The following LCA5L variants were observed in gnomAD, a reference collection of about 807,000 sequenced individuals.
LCA5L encodes lebercilin-like protein.
A neutral mutation model predicts 45.4 loss-of-function variants in LCA5L; 35 were observed. The ratio of observed to expected loss-of-function variants is 0.77; its 90% confidence interval spans 0.59 to 1.02. The LOEUF is 1.02. Ranked by LOEUF, LCA5L falls within the 50% of genes least tolerant of loss-of-function variation. The pLI, the probability that LCA5L is intolerant of heterozygous loss-of-function variation, is 0.00. For missense variants in LCA5L, 668 were observed against 761.6 expected, an observed-to-expected ratio of 0.88 and a Z score of 1.45; for synonymous variants, 233 against 264.7, an observed-to-expected ratio of 0.88 and a Z score of 1.16.
chr21:39,430,015 A>AAAAC lies in LCA5L; in HGVS notation c.-91-808_-91-805dup, dbSNP rs375183140. Reference sequence around the variant, plus strand: ...GGGTGACAGGGCCAACTCTGTCTCAAAAACAAACAAACAAACAAACAAACA... The same window carrying AAAAC: ...GGGTGACAGGGCCAACTCTGTCTCAAAAACAAACAAACAAACAAACAAACAAACA... On this transcript the variant is annotated intron_variant, in intron 3 of 10. Transcript: ENST00000288350. 5.2e-3 allele frequency among the ~76,000 whole-genome samples: 786 copies of AAAAC among 151,852 alleles called. 1 individual carries two copies. The highest frequency in any genetic ancestry group is 0.013 in the East Asian group (66 of 5,162).
Position 39,437,582 on chromosome 21 carries a change from C to G in LCA5L, c.-245-2009G>C, listed in dbSNP as rs139854651. ...TCAGGTGATCCTCCCACCTCAGTCT[C>G]CCGGGTAGCTGGGACTACAGGCACG... On this transcript the variant is annotated intron_variant, in intron 2 of 10. Coordinates refer to ENST00000288350, the MANE Select transcript of LCA5L (RefSeq NM_152505.4). Among the ~76,000 whole-genome samples the G allele has an allele frequency of 8.9e-4, 136 of 152,238 alleles. 5 individuals carry two copies. In the East Asian group the frequency reaches 0.026, roughly 29 times the overall value.
At chr21:39,414,400 G>C (rs1463556901) in intron 7 of LCA5L, 1 of 152,128 alleles carries the variant, frequency 6.6e-6, no homozygotes, top group African/African-American at 2.4e-5. Flanking sequence ...AGTGGGCCTA[G>C]AACTCGGTGT....
chr21:39,434,575 T>C (rs938968762), intron 3 of LCA5L, among the ~76,000 whole-genome samples: 6 of 152,202 alleles, frequency 3.9e-5, no homozygotes, highest in Non-Finnish European at 8.8e-5. Flanking sequence ...TGGAGTGCAG[T>C]GGTGTGATCA....
chr21:39,431,562 G>A (rs1450233964), intron 3 of LCA5L, among the ~76,000 whole-genome samples: 2 of 152,062 alleles, frequency 1.3e-5, no homozygotes, highest in Non-Finnish European at 2.9e-5. Flanking sequence ...TCTGTCGCCA[G>A]GCTGGAGTGC....
intron 7 of LCA5L, among the ~76,000 whole-genome samples, chr21:39,417,805 G>T (rs1050624306): frequency 1.3e-5 from 2 of 151,610 alleles, no homozygotes; most frequent in East Asian, 1.9e-4. Flanking sequence ...TCGCTCTGTC[G>T]CCCAGGCTGG....
Position 39,409,019 on chromosome 21 carries a change from A to G in LCA5L, c.1282+960T>C, listed in dbSNP as rs1403859103. ...TGTATTCCTTCCTCCCAAATTTCAT[A>G]TGTTGAAGCCGTAACCCCCAGTATG... is the stretch of plus-strand genomic sequence containing the variant. On this transcript the variant is annotated intron_variant, in intron 10 of 10. Transcript: ENST00000288350. The surrounding 1 kb of genome is among the most constrained non-coding windows in gnomAD (Gnocchi z 4.2). Among the ~76,000 whole-genome samples the G allele has an allele frequency of 1.3e-5, 2 of 152,168 alleles. No homozygotes were observed. The highest frequency in any genetic ancestry group is 2.4e-5 in the African/African-American group (1 of 41,454).
At chr21:39,442,866 C>T (rs572613677) in intron 2 of LCA5L, among the ~76,000 whole-genome samples, 8 of 152,116 alleles carry the variant, frequency 5.3e-5, no homozygotes, top group Non-Finnish European at 8.8e-5. Context: ...AAAAGCTGTG[C>T]GTGTGAATCT....
chr21:39,437,717 G>T (rs145374404), intron 2 of LCA5L, among the ~76,000 whole-genome samples: 2 of 152,132 alleles, frequency 1.3e-5, no homozygotes, highest in Non-Finnish European at 2.9e-5. Flanking sequence ...CTCCCAAAGT[G>T]CTGGAATTAT....
chr21:39,433,415 A>C (rs1284594026), intron 3 of LCA5L, among the ~76,000 whole-genome samples: 5 of 79,274 alleles, frequency 6.3e-5, no homozygotes, highest in African/African-American at 9.7e-5. Flanking sequence ...ACTCTGTCTC[A>C]AAAAAAAAAA....
intron 2 of LCA5L, chr21:39,436,125 T>C (rs1309601994): frequency 6.6e-6 from 1 of 152,154 alleles, no homozygotes; most frequent in Non-Finnish European, 1.5e-5. Flanking sequence ...CAGTACAGAG[T>C]TGAACATAAA....
intron 7 of LCA5L, 102 bp downstream of exon 7, chr21:39,420,604 G>A: frequency 1.2e-6 from 1 of 848,824 alleles, no homozygotes; most frequent in South Asian, 1.8e-5. Flanking sequence ...CCTTATATAT[G>A]TATGTAAAAT....
At chr21:39,427,738 G>A (rs1036137108) in intron 5 of LCA5L, 4 of 152,572 alleles carry the variant, frequency 2.6e-5, no homozygotes, top group Non-Finnish European at 2.9e-5. Context: ...TCAAAAGATG[G>A]TGTTTGCCAA....
At chr21:39,443,581 G>C (rs2077083131) in intron 2 of LCA5L, 1 of 152,216 alleles carries the variant, frequency 6.6e-6, no homozygotes, top group Non-Finnish European at 1.5e-5. Flanking sequence ...ACAGCACAAG[G>C]GCGTGGTGGG....
intron 7 of LCA5L, among the ~76,000 whole-genome samples, chr21:39,418,894 A>G (rs899472512): frequency 2.6e-5 from 4 of 152,264 alleles, no homozygotes; most frequent in African/African-American, 9.6e-5. Flanking sequence ...TTGTGTCTCC[A>G]TATGTGTGTG....
At chr21:39,414,734 C>CTGTGTGTGTGTGTGTGTGTG (rs1446676855) in intron 7 of LCA5L, among the ~76,000 whole-genome samples, 7 of 103,260 alleles carry the variant, frequency 6.8e-5, no homozygotes, top group African/African-American at 2.9e-4. Context: ...CTCTCTCTCT[C>CTGTGTGTGTGTGTGTGTGTG]TCTCTCTCTG....
At chr21:39,413,691 A>C (rs972979643) in intron 7 of LCA5L, 1 of 152,238 alleles carries the variant, frequency 6.6e-6, no homozygotes, top group African/African-American at 2.4e-5. Context: ...ACAGTTCATC[A>C]CCATGAAAAG....
chr21:39,441,417 G>A (rs909110562), intron 2 of LCA5L, among the ~76,000 whole-genome samples: 4 of 152,154 alleles, frequency 2.6e-5, no homozygotes, highest in African/African-American at 9.7e-5. Context: ...GGCCTCAAAT[G>A]TCTAAGGCAA....
intron 3 of LCA5L, among the ~76,000 whole-genome samples, chr21:39,433,623 A>G (rs1461710159): frequency 1.3e-5 from 2 of 152,118 alleles, no homozygotes; most frequent in Non-Finnish European, 2.9e-5. Flanking sequence ...TGCAAAGACT[A>G]TCCTTTTCCC....
intron 5 of LCA5L, among the ~76,000 whole-genome samples, chr21:39,426,865 G>A (rs907764146): frequency 2.0e-5 from 3 of 152,166 alleles, no homozygotes; most frequent in African/African-American, 7.2e-5. Context: ...AGGACCCCCA[G>A]CTCTCTAGAA....
Sources: allele counts gnomAD v4.1 joint callset (sites outside exome capture counted in the v4.1 genomes callset), GRCh38; gene constraint gnomAD v4.1.1; non-coding constraint Gnocchi (gnomAD v3.1); transcripts MANE v1.5; gene names NCBI Gene and HGNC (gene_info 2026-07-23, HGNC 2026-07-21).